The following ASCC3 variants were observed in gnomAD, a reference collection of about 807,000 sequenced individuals.
ASCC3 encodes the protein activating signal cointegrator 1 complex subunit 3.
In ASCC3, 158 loss-of-function variants were observed where a neutral mutation model predicts 256.3. The observed-to-expected ratio is 0.62, with a 90% CI of 0.54 to 0.70. ASCC3 has a LOEUF of 0.70. ASCC3 is among the 30% of genes least tolerant of loss of function. The pLI, the probability that ASCC3 is intolerant of heterozygous loss-of-function variation, is 0.00. For missense variants in ASCC3, 2,259 were observed against 2,626.0 expected, an observed-to-expected ratio of 0.86 and a Z score of 3.05; for synonymous variants, 948 against 883.4, an observed-to-expected ratio of 1.07 and a Z score of -1.30.
chr6:100,765,507 G>A (rs926455712), intron 10 of ASCC3, among the ~76,000 whole-genome samples: 5 of 152,054 alleles, frequency 3.3e-5, no homozygotes, highest in African/African-American at 9.7e-5. Context: ...TCAACCAACC[G>A]CCAATCAGAA....
intron 36 of ASCC3, among the ~76,000 whole-genome samples, chr6:100,552,213 TAA>T (rs1051503298): frequency 3.8e-4 from 57 of 151,970 alleles, no homozygotes; most frequent in Middle Eastern, 3.4e-3. Context: ...AACTGAATTT[TAA>T]GAGTTAATTG....
At chr6:100,757,064 A>G (rs942914503) in intron 10 of ASCC3, among the ~76,000 whole-genome samples, 7 of 152,200 alleles carry the variant, frequency 4.6e-5, no homozygotes, top group Admixed American at 3.3e-4. Context: ...AAACCCAAAC[A>G]GATCTTTTGA....
intron 4 of ASCC3, among the ~76,000 whole-genome samples, chr6:100,839,050 C>G (rs1285882047): frequency 6.6e-6 from 1 of 151,970 alleles, no homozygotes; most frequent in African/African-American, 2.4e-5. Context: ...TAATAAAATG[C>G]ATTTATCTTA....
chr6:100,788,544 C>T (rs1769198003), intron 8 of ASCC3, among the ~76,000 whole-genome samples: 1 of 150,570 alleles, frequency 6.6e-6, no homozygotes, highest in South Asian at 2.1e-4. Flanking sequence ...GCAAAAGTTG[C>T]AAACAAGCTA....
intron 4 of ASCC3, among the ~76,000 whole-genome samples, chr6:100,822,491 C>T (rs1045945278): frequency 1.3e-4 from 20 of 148,866 alleles, no homozygotes; most frequent in African/African-American, 4.7e-4. Context: ...GATCCAAGAT[C>T]GCGCCACTGC....
At chr6:100,519,148 G>A (rs887660431) in intron 37 of ASCC3, among the ~76,000 whole-genome samples, 2 of 152,040 alleles carry the variant, frequency 1.3e-5, no homozygotes, top group Non-Finnish European at 2.9e-5. Context: ...TTTTCCTTCT[G>A]AGCATTGAAT....
At chr6:100,777,965 T>C (rs1782266998) in intron 8 of ASCC3, among the ~76,000 whole-genome samples, 1 of 152,134 alleles carries the variant, frequency 6.6e-6, no homozygotes, top group Non-Finnish European at 1.5e-5. Context: ...CATAAAACTA[T>C]GGCAGTAATA....
intron 11 of ASCC3, among the ~76,000 whole-genome samples, chr6:100,720,954 A>G (rs1177311283): frequency 2.0e-5 from 3 of 148,508 alleles, no homozygotes; most frequent in African/African-American, 7.3e-5. Flanking sequence ...TAGAAACTAT[A>G]CTATTTACAA....
At chr6:100,666,358 G>T (rs1776476553) in intron 14 of ASCC3, among the ~76,000 whole-genome samples, 1 of 152,038 alleles carries the variant, frequency 6.6e-6, no homozygotes. Flanking sequence ...AATCTTACGG[G>T]TCACATGGTT....
intron 34 of ASCC3, among the ~76,000 whole-genome samples, chr6:100,593,928 A>G (rs532818339): frequency 6.6e-6 from 1 of 152,262 alleles, no homozygotes; most frequent in Non-Finnish European, 1.5e-5. Context: ...CATTTGCACA[A>G]GTTAATGTGT....
chr6:100,780,873 A>C (rs143099988), intron 8 of ASCC3, among the ~76,000 whole-genome samples: 10 of 152,322 alleles, frequency 6.6e-5, no homozygotes, highest in Admixed American at 1.3e-4. Flanking sequence ...GTCCCAACCT[A>C]AGCCTCATTA....
At chr6:100,725,268 T>G (rs1779568757) in intron 11 of ASCC3, among the ~76,000 whole-genome samples, 1 of 152,010 alleles carries the variant, frequency 6.6e-6, no homozygotes, top group Non-Finnish European at 1.5e-5. Flanking sequence ...TAAGATATCC[T>G]GTCTTTTCAT....
At chr6:100,553,304 C>T (rs1168363561) in intron 36 of ASCC3, among the ~76,000 whole-genome samples, 1 of 152,070 alleles carries the variant, frequency 6.6e-6, no homozygotes, top group African/African-American at 2.4e-5. Context: ...TATTTACCTC[C>T]AAATTACTCC....
intron 20 of ASCC3, among the ~76,000 whole-genome samples, chr6:100,649,911 T>C (rs999785835): frequency 2.6e-5 from 4 of 151,560 alleles, no homozygotes; most frequent in Non-Finnish European, 5.9e-5. Flanking sequence ...GGCTTGAATA[T>C]AAAAACACAA....
chr6:100,528,378 T>C (rs1039951824), intron 37 of ASCC3, among the ~76,000 whole-genome samples: 2 of 152,188 alleles, frequency 1.3e-5, no homozygotes, highest in African/African-American at 4.8e-5. Context: ...AGGAAGGTTG[T>C]TTGAATGAAG....
In ASCC3 at chr6:100,800,290, CTTTTA is replaced by C. The variant is rs1562305725; in HGVS notation, c.1127+5_1127+9del. ...AACACAAGCATTTTTCAGCTCCTGG[CTTTTA>C]TTACCTTTGTATCCGCAATTCCTTA... On this transcript the variant is annotated splice_donor_5th_base_variant and intron_variant, in intron 6 of 41. Transcript: ENST00000369162. The C allele has an allele frequency of 1.2e-6, 2 of 1,612,188 alleles. No individual in the cohort carries two copies. The highest frequency in any genetic ancestry group is 2.7e-5 in the African/African-American group (2 of 74,972).
intron 36 of ASCC3, among the ~76,000 whole-genome samples, chr6:100,546,409 A>G (rs541046565): frequency 3.3e-5 from 5 of 152,340 alleles, no homozygotes; most frequent in African/African-American, 1.2e-4. Flanking sequence ...GACCTAGAAT[A>G]GCCAAAAGCA....
At chr6:100,867,310 A>G (rs1408781796) in intron 2 of ASCC3, among the ~76,000 whole-genome samples, 1 of 152,204 alleles carries the variant, frequency 6.6e-6, no homozygotes, top group African/African-American at 2.4e-5. Context: ...AGTCTTTACT[A>G]TAAATGTCAA....
chr6:100,684,256 A>G (rs562036998), intron 13 of ASCC3, among the ~76,000 whole-genome samples: 8 of 152,214 alleles, frequency 5.3e-5, no homozygotes, highest in Admixed American at 4.6e-4. Context: ...GAACACAGAT[A>G]AAGAGTTACA....
Sources: gnomAD v4.1 joint callset for allele counts (sites outside exome capture counted in the v4.1 genomes callset) on GRCh38, gnomAD v4.1.1 for gene constraint, MANE v1.5 for transcripts, NCBI Gene and HGNC (gene_info 2026-07-23, HGNC 2026-07-21) for gene names.